The following ITFG1 variants were observed in gnomAD, a reference collection of about 807,000 sequenced individuals.
ITFG1 encodes integrin alpha FG-GAP repeat containing 1.
In ITFG1, 34 loss-of-function variants were observed where a neutral mutation model predicts 81.8. That is an observed-to-expected ratio of 0.42 (90% CI 0.32 to 0.55). The LOEUF is 0.55. Ranked by LOEUF, ITFG1 falls within the 20% of genes least tolerant of loss-of-function variation. ITFG1 has a pLI of 0.17. For synonymous variants in ITFG1, 285 were observed against 270.6 expected (o/e 1.05, Z -0.52); for missense variants, 672 against 755.4 (o/e 0.89, Z 1.29).
chr16:47,315,715 C>A (rs1189915111), intron 8 of ITFG1, among the ~76,000 whole-genome samples: 1 of 151,056 alleles, frequency 6.6e-6, no homozygotes, highest in African/African-American at 2.5e-5. Flanking sequence ...TAGATATGGT[C>A]ACAGAAAAAT....
chr16:47,166,758 C>T (rs1471802141), intron 14 of ITFG1, among the ~76,000 whole-genome samples: 2 of 85,728 alleles, frequency 2.3e-5, no homozygotes, highest in Admixed American at 2.9e-4. Context: ...AAAAAGAATG[C>T]TTTAGTTTGC....
chr16:47,320,158 T>A (rs1967427322), intron 8 of ITFG1, among the ~76,000 whole-genome samples: 1 of 152,238 alleles, frequency 6.6e-6, no homozygotes, highest in Non-Finnish European at 1.5e-5. Flanking sequence ...AATTATCAAA[T>A]GTTTTAACTT....
intron 8 of ITFG1, among the ~76,000 whole-genome samples, chr16:47,316,929 A>G (rs1967369316): frequency 6.6e-6 from 1 of 152,228 alleles, no homozygotes; most frequent in Admixed American, 6.5e-5. Flanking sequence ...TACTTAAAGA[A>G]GAACCAGGAA....
At chr16:47,361,352 C>T (rs888855622) in intron 8 of ITFG1, among the ~76,000 whole-genome samples, 1 of 152,030 alleles carries the variant, frequency 6.6e-6, no homozygotes, top group Non-Finnish European at 1.5e-5. Context: ...TCCACTACAC[C>T]TAGTATTACA....
At chr16:47,308,238 G>A (rs940896100) in intron 10 of ITFG1, among the ~76,000 whole-genome samples, 1 of 152,134 alleles carries the variant, frequency 6.6e-6, no homozygotes, top group Non-Finnish European at 1.5e-5. Context: ...ACAGTGGCTC[G>A]ACTAATCTAG....
intron 8 of ITFG1, among the ~76,000 whole-genome samples, chr16:47,330,368 G>C (rs1240374347): frequency 6.6e-6 from 1 of 151,880 alleles, no homozygotes; most frequent in African/African-American, 2.4e-5. Context: ...AATACTCTTT[G>C]GGACATGTCC....
chr16:47,424,714 T>C (rs1968996929), intron 6 of ITFG1, among the ~76,000 whole-genome samples: 1 of 152,202 alleles, frequency 6.6e-6, no homozygotes, highest in Non-Finnish European at 1.5e-5. Context: ...CTGTTGGAGT[T>C]TGCTGGAGGT....
chr16:47,391,944 A>G (rs1337196719), intron 6 of ITFG1, among the ~76,000 whole-genome samples: 1 of 152,168 alleles, frequency 6.6e-6, no homozygotes, highest in East Asian at 1.9e-4. Context: ...TATGCCAAGT[A>G]CTGTTCTAAC....
chr16:47,399,404 T>G (rs1486936895), intron 6 of ITFG1, among the ~76,000 whole-genome samples: 1 of 152,084 alleles, frequency 6.6e-6, no homozygotes, highest in African/African-American at 2.4e-5. Flanking sequence ...AAACCCCATC[T>G]CTACTAAAAA....
At chr16:47,455,407 A>G (rs1017684788) in intron 2 of ITFG1, among the ~76,000 whole-genome samples, 24 of 151,924 alleles carry the variant, frequency 1.6e-4, no homozygotes, top group African/African-American at 5.8e-4. Context: ...AAAACAAACC[A>G]ACAACAGTAT....
chr16:47,220,257 T>C (rs1397656438), intron 13 of ITFG1, among the ~76,000 whole-genome samples: 1 of 152,226 alleles, frequency 6.6e-6, no homozygotes, highest in Non-Finnish European at 1.5e-5. Flanking sequence ...GGTCCCAAAA[T>C]ACCTTCAGAA....
intron 10 of ITFG1, among the ~76,000 whole-genome samples, chr16:47,304,066 T>C (rs543419465): frequency 6.6e-6 from 1 of 152,336 alleles, no homozygotes; most frequent in South Asian, 2.1e-4. Flanking sequence ...TTAAATGTTC[T>C]GAAACATAAA....
intron 5 of ITFG1, among the ~76,000 whole-genome samples, chr16:47,436,559 G>C: frequency 6.6e-6 from 1 of 152,112 alleles, no homozygotes; most frequent in Non-Finnish European, 1.5e-5. Flanking sequence ...GAATGAGACA[G>C]TATCCAGGCA....
chr16:47,404,339 C>G (rs1352521826), intron 6 of ITFG1, among the ~76,000 whole-genome samples: 1 of 152,124 alleles, frequency 6.6e-6, no homozygotes, highest in Non-Finnish European at 1.5e-5. Flanking sequence ...TAAGGTACAT[C>G]TAAGTACTGG....
chr16:47,347,798 A>G (rs1274752793), intron 8 of ITFG1, among the ~76,000 whole-genome samples: 1 of 152,238 alleles, frequency 6.6e-6, no homozygotes, highest in Non-Finnish European at 1.5e-5. Flanking sequence ...ACCCCCAAGT[A>G]GGGGCAGACT....
intron 8 of ITFG1, among the ~76,000 whole-genome samples, chr16:47,346,709 A>G (rs1967860186): frequency 3.9e-5 from 6 of 152,244 alleles, no homozygotes; most frequent in Admixed American, 3.9e-4. Context: ...CCAAGATTGA[A>G]TCATGACGAA....
chr16:47,327,103 C>G (rs1381329333), intron 8 of ITFG1, among the ~76,000 whole-genome samples: 1 of 152,166 alleles, frequency 6.6e-6, no homozygotes, highest in African/African-American at 2.4e-5. Context: ...ACCAAAACAG[C>G]ATGGCACTGG....
rs1226330153 is a variant in ITFG1 at position 47,159,009 on chromosome 16, C to A, written c.1662-19G>T. The A allele has an allele frequency of 7.8e-7, 1 of 1,285,180 alleles. No individual in the cohort carries two copies. The highest frequency in any genetic ancestry group is 1.5e-5 in the African/African-American group (1 of 65,036). The allele number at this position is 1,285,180 out of a possible 1,614,324, so 79.6% of individuals were successfully genotyped here. ...ACTCCAACTGTAGATAAAAACAGAACAAATTAAAATTACAAATTTTATTTA... is the reference window on the plus strand; with the variant it reads ...ACTCCAACTGTAGATAAAAACAGAAAAAATTAAAATTACAAATTTTATTTA... On this transcript the variant is annotated intron_variant, in intron 16 of 17. Transcript: ENST00000320640.
At chr16:47,165,850 A>C (rs1964882086) in intron 14 of ITFG1, among the ~76,000 whole-genome samples, 2 of 151,972 alleles carry the variant, frequency 1.3e-5, no homozygotes, top group Non-Finnish European at 2.9e-5. Flanking sequence ...TGTCTCAAAA[A>C]CAAACAAACA....
Sources: gnomAD v4.1 joint callset for allele counts (sites outside exome capture counted in the v4.1 genomes callset) on GRCh38, gnomAD v4.1.1 for gene constraint, MANE v1.5 for transcripts, NCBI Gene and HGNC (gene_info 2026-07-23, HGNC 2026-07-21) for gene names.